Variants in FARS2 observed in about 807,000 individuals in gnomAD.
The protein encoded by FARS2 is phenylalanine--tRNA ligase, mitochondrial.
Under a neutral mutation model 46.4 loss-of-function variants are expected in FARS2, and 40 were observed. That is an observed-to-expected ratio of 0.86 (90% CI 0.67 to 1.12). FARS2 has a LOEUF of 1.12. Ranked by LOEUF, FARS2 falls within the 50% of genes most tolerant of loss-of-function variation. The pLI is 0.00. For synonymous variants in FARS2, 234 were observed against 214.9 expected (o/e 1.09, Z -0.78); for missense variants, 513 against 567.9 (o/e 0.90, Z 0.98).
intron 6 of FARS2, chr6:5,694,948 C>T (rs549302892): frequency 3.3e-5 from 5 of 152,244 alleles, no homozygotes; most frequent in South Asian, 2.1e-4. Flanking sequence ...AGTTCGAGGC[C>T]GCAGTGAGCT....
At chr6:5,721,637 A>G (rs1759917939) in intron 6 of FARS2, among the ~76,000 whole-genome samples, 1 of 152,230 alleles carries the variant, frequency 6.6e-6, no homozygotes, top group Non-Finnish European at 1.5e-5. Context: ...AAAAAATCAC[A>G]TTCATTAGTA....
chr6:5,315,011 C>G (rs992952808), intron 1 of FARS2, among the ~76,000 whole-genome samples: 2 of 152,166 alleles, frequency 1.3e-5, no homozygotes, highest in Admixed American at 1.3e-4. Context: ...AAAGCACGCA[C>G]ATTCTGGGTA....
Position 5,720,106 on chromosome 6 carries a change from TA to T in FARS2, c.1218-51174del, listed in dbSNP as rs202236613. ...CACCCTGCATTCACAATGCTCTACA[TA>T]AAAAAAAAAACAACACTGCTGCAAT... On this transcript the variant is annotated intron_variant, in intron 6 of 6. Coordinates refer to ENST00000274680, the MANE Select transcript of FARS2 (RefSeq NM_006567.5). 2.5e-3 allele frequency among the ~76,000 whole-genome samples: 352 copies of T among 143,416 alleles called. 3 individuals are homozygous for T. In the East Asian group the frequency reaches 0.027, roughly 11 times the overall value. The allele number at this position is 143,416 out of a possible 152,430, so 94.1% of individuals were successfully genotyped here.
At position 5,605,543 on chromosome 6, in the gene FARS2, G is replaced by A. The variant is rs541883278; in HGVS notation, c.1066-7626G>A. 3.3e-5 allele frequency among the ~76,000 whole-genome samples: 5 copies of A among 152,320 alleles called. No homozygotes were observed. The East Asian group carries it at 7.7e-4, about 24-fold the overall frequency. The stretch of plus-strand genomic sequence containing the variant: ...AAGTCAACTCCATTCTGTGTGAGGG[G>A]TTCGAGCAGAGGAACCATAAAAACC... On this transcript the variant is annotated intron_variant, in intron 5 of 6. Transcript: ENST00000274680.
chr6:5,374,752 C>T (rs1183538785), intron 2 of FARS2, among the ~76,000 whole-genome samples: 2 of 151,990 alleles, frequency 1.3e-5, no homozygotes, highest in Admixed American at 1.3e-4. Context: ...TGTCCTACCA[C>T]ATTATTATTG....
chr6:5,617,763 T>C (rs1347483844), intron 6 of FARS2, among the ~76,000 whole-genome samples: 1 of 152,162 alleles, frequency 6.6e-6, no homozygotes, highest in Non-Finnish European at 1.5e-5. Flanking sequence ...AGCAACAACA[T>C]AGAAGAAATA....
rs918892074 is a variant in FARS2 at position 5,317,406 on chromosome 6, G to A, written c.-21-51144G>A. Among the ~76,000 whole-genome samples, 8 of 152,270 alleles carry A rather than the reference G, an allele frequency of 5.3e-5. 1 individual carries two copies. In the South Asian group the frequency reaches 1.5e-3, roughly 28 times the overall value. The stretch of plus-strand genomic sequence containing the variant: ...AGTCACTAATATTAATATGCTAGGG[G>A]TGCTAATGGAAAAAGGGGAAGCACA... On this transcript the variant is annotated intron_variant, in intron 1 of 6. Transcript: ENST00000274680.
intron 1 of FARS2, chr6:5,291,242 A>G (rs1481400030): frequency 6.6e-6 from 1 of 152,244 alleles, no homozygotes. Context: ...ATGATCTCAT[A>G]TAAGATCTAA....
intron 1 of FARS2, among the ~76,000 whole-genome samples, chr6:5,278,051 A>G (rs78969050): frequency 2.0e-5 from 3 of 152,284 alleles, no homozygotes; most frequent in Admixed American, 6.5e-5. Flanking sequence ...AATCTAAATT[A>G]TCATCTCACA....
intron 3 of FARS2, among the ~76,000 whole-genome samples, chr6:5,413,489 T>G (rs1419458023): frequency 6.6e-6 from 1 of 152,114 alleles, no homozygotes; most frequent in Non-Finnish European, 1.5e-5. Context: ...CATTAAGATT[T>G]AGGGAGAGAG....
chr6:5,732,438 C>T (rs1383045854), intron 6 of FARS2, among the ~76,000 whole-genome samples: 2 of 152,232 alleles, frequency 1.3e-5, no homozygotes, highest in East Asian at 1.9e-4. Context: ...TGTTAGATCT[C>T]GTTGTTCTCA....
At chr6:5,367,461 G>T (rs1758758051) in intron 1 of FARS2, among the ~76,000 whole-genome samples, 1 of 152,050 alleles carries the variant, frequency 6.6e-6, no homozygotes. Flanking sequence ...ACTGGCTTCT[G>T]TGGCAGTGGG....
At chr6:5,296,665 A>T (rs1328601996) in intron 1 of FARS2, among the ~76,000 whole-genome samples, 1 of 152,212 alleles carries the variant, frequency 6.6e-6, no homozygotes, top group African/African-American at 2.4e-5. Context: ...TATGAGTGGA[A>T]TCATACAGTA....
chr6:5,578,922 C>G (rs545170751), intron 5 of FARS2, among the ~76,000 whole-genome samples: 27 of 151,670 alleles, frequency 1.8e-4, no homozygotes, highest in African/African-American at 6.3e-4. Context: ...TATGACATTT[C>G]TCTGGCCTGT....
intron 4 of FARS2, among the ~76,000 whole-genome samples, chr6:5,454,488 G>A (rs1764710077): frequency 4.0e-5 from 6 of 151,876 alleles, no homozygotes; most frequent in Admixed American, 3.9e-4. Context: ...GGGATTACAG[G>A]TGCATGCTAC....
chr6:5,722,646 G>A, intron 6 of FARS2, among the ~76,000 whole-genome samples: 1 of 152,164 alleles, frequency 6.6e-6, no homozygotes, highest in East Asian at 1.9e-4. Context: ...GGAGAGAAAA[G>A]GTCAGTGAGG....
intron 4 of FARS2, among the ~76,000 whole-genome samples, chr6:5,526,298 A>G (rs1235059564): frequency 6.6e-6 from 1 of 152,220 alleles, no homozygotes; most frequent in Non-Finnish European, 1.5e-5. Flanking sequence ...AGAGAGATGC[A>G]ATTTGGTTAT....
intron 4 of FARS2, among the ~76,000 whole-genome samples, chr6:5,462,459 C>T (rs1765296148): frequency 6.6e-6 from 1 of 152,030 alleles, no homozygotes; most frequent in Non-Finnish European, 1.5e-5. Context: ...AACTATTTGA[C>T]TAACCCAAGT....
Position 5,735,702 on chromosome 6 carries a change from G to A in FARS2, c.1218-35589G>A, listed in dbSNP as rs556694945. The stretch of plus-strand genomic sequence containing the variant: ...CTGAAAGGCCTTTGTGAAGCTCCGC[G>A]TATTTGCTATTAATAACCGTGGTCA... On this transcript the variant is annotated intron_variant, in intron 6 of 6. Transcript: ENST00000274680. Among the ~76,000 whole-genome samples, 7 of 152,302 alleles carry A rather than the reference G, an allele frequency of 4.6e-5. No homozygotes were observed. The East Asian group carries it at 7.7e-4, about 17-fold the overall frequency.
Sources: gnomAD v4.1 joint callset for allele counts (sites outside exome capture counted in the v4.1 genomes callset) on GRCh38, gnomAD v4.1.1 for gene constraint, MANE v1.5 for transcripts, NCBI Gene and HGNC (gene_info 2026-07-23, HGNC 2026-07-21) for gene names.